The following PDE4B variants were observed in gnomAD, a reference collection of about 807,000 sequenced individuals.
PDE4B encodes the protein phosphodiesterase 4B.
A neutral mutation model predicts 82.2 loss-of-function variants in PDE4B; 20 were observed. The observed-to-expected ratio is 0.24, with a 90% CI of 0.17 to 0.35. The LOEUF (loss-of-function observed/expected upper bound fraction) is 0.35, where lower values mean the gene tolerates loss of function less well. PDE4B is among the 10% of genes least tolerant of loss of function. The pLI is 1.00. For synonymous variants in PDE4B, 320 were observed against 318.9 expected, an observed-to-expected ratio of 1.00 and a Z score of -0.04; for missense variants, 655 against 907.2, an observed-to-expected ratio of 0.72 and a Z score of 3.57.
intron 1 of PDE4B, among the ~76,000 whole-genome samples, chr1:65,871,195 T>C (rs1469266330): frequency 2.0e-5 from 3 of 152,198 alleles, no homozygotes; most frequent in Non-Finnish European, 4.4e-5. Context: ...TTTAATTTGA[T>C]CTATTTGAAG....
chr1:66,345,263 T>C (rs1473745190), intron 8 of PDE4B, among the ~76,000 whole-genome samples: 1 of 152,182 alleles, frequency 6.6e-6, no homozygotes, highest in Admixed American at 6.5e-5. Context: ...AAAATAAAAG[T>C]TAAAGGGAAA....
intron 3 of PDE4B, among the ~76,000 whole-genome samples, chr1:66,219,174 A>G (rs537149388): frequency 1.3e-5 from 2 of 152,202 alleles, no homozygotes; most frequent in African/African-American, 2.4e-5. Context: ...AATTTTTCTA[A>G]TATGATTTCT....
At chr1:66,370,282 C>A (rs76083421) in intron 16 of PDE4B, among the ~76,000 whole-genome samples, 2,485 of 149,868 alleles carry the variant, frequency 0.017, 64 homozygotes, top group African/African-American at 0.058. Context: ...TTAAGTGGAA[C>A]AAGATATGAA....
chr1:65,921,617 C>T (rs767303404), intron 3 of PDE4B, among the ~76,000 whole-genome samples: 3 of 152,190 alleles, frequency 2.0e-5, no homozygotes, highest in Admixed American at 6.5e-5. Flanking sequence ...CACAACTACT[C>T]ATCCTTGCTG....
At chr1:65,836,705 C>A (rs1208030246) in intron 1 of PDE4B, among the ~76,000 whole-genome samples, 1 of 152,038 alleles carries the variant, frequency 6.6e-6, no homozygotes, top group Non-Finnish European at 1.5e-5. Flanking sequence ...ATTGCTATAT[C>A]TCTCTTTCTC....
At chr1:66,137,377 G>T (rs1046602260) in intron 3 of PDE4B, among the ~76,000 whole-genome samples, 2 of 152,168 alleles carry the variant, frequency 1.3e-5, no homozygotes, top group African/African-American at 2.4e-5. Flanking sequence ...CATGCATTTT[G>T]ATTTGTTTGT....
At chr1:65,930,703 A>G (rs1196643420) in intron 3 of PDE4B, among the ~76,000 whole-genome samples, 1 of 152,230 alleles carries the variant, frequency 6.6e-6, no homozygotes, top group African/African-American at 2.4e-5. Flanking sequence ...TATTTACCCA[A>G]TGACTATACC....
intron 3 of PDE4B, among the ~76,000 whole-genome samples, chr1:65,986,478 T>G (rs912085882): frequency 1.3e-5 from 2 of 152,324 alleles, no homozygotes; most frequent in East Asian, 3.9e-4. Context: ...CAGTGAAAAC[T>G]GCACAAAATA....
In PDE4B at chr1:66,344,032, A is replaced by G. The variant is rs144126442; in HGVS notation, c.747+11412A>G. On this transcript the variant is annotated intron_variant, in intron 8 of 16. Transcript: ENST00000341517. ...ACTCTGGATCTCTCACTCATAATCC[A>G]CAAGGATTAATTTAACCTGCCAGAT... is the stretch of plus-strand genomic sequence containing the variant. Among the ~76,000 whole-genome samples the G allele has an allele frequency of 3.6e-3, 549 of 152,282 alleles. 7 individuals are homozygous for G. The highest frequency in any genetic ancestry group is 0.012 in the African/African-American group (518 of 41,564).
At chr1:66,016,501 C>T (rs1390964206) in intron 3 of PDE4B, among the ~76,000 whole-genome samples, 1 of 152,118 alleles carries the variant, frequency 6.6e-6, no homozygotes, top group Non-Finnish European at 1.5e-5. Flanking sequence ...ATGTAACCTT[C>T]TTCAGTTTAA....
At chr1:66,118,488 G>T (rs921201983) in intron 3 of PDE4B, among the ~76,000 whole-genome samples, 1 of 151,568 alleles carries the variant, frequency 6.6e-6, no homozygotes, top group African/African-American at 2.4e-5. Context: ...ACCAAACACC[G>T]CATGTTCTCA....
intron 1 of PDE4B, among the ~76,000 whole-genome samples, chr1:65,858,754 A>G (rs866011856): frequency 6.6e-6 from 1 of 152,106 alleles, no homozygotes; most frequent in African/African-American, 2.4e-5. Flanking sequence ...TGACTGTTTT[A>G]GCATTTAAAA....
intron 6 of PDE4B, among the ~76,000 whole-genome samples, chr1:66,265,654 T>G (rs1654975185): frequency 6.6e-6 from 1 of 151,914 alleles, no homozygotes; most frequent in African/African-American, 2.4e-5. Context: ...TGGCTATAAC[T>G]TTTTACAGCA....
chr1:66,074,899 G>A (rs943288701), intron 3 of PDE4B, among the ~76,000 whole-genome samples: 2 of 152,038 alleles, frequency 1.3e-5, no homozygotes, highest in Non-Finnish European at 2.9e-5. Context: ...GGACATTCGA[G>A]TTGTTTTCAG....
chr1:65,864,770 G>A (rs1038600592), intron 1 of PDE4B, among the ~76,000 whole-genome samples: 1 of 152,158 alleles, frequency 6.6e-6, no homozygotes, highest in African/African-American at 2.4e-5. Context: ...CCTGATGCCA[G>A]CTGGAACTCT....
intron 7 of PDE4B, among the ~76,000 whole-genome samples, chr1:66,314,632 C>T (rs763171686): frequency 2.6e-5 from 4 of 152,066 alleles, no homozygotes; most frequent in East Asian, 1.9e-4. Context: ...AGGCTGGTTT[C>T]GAACTCCTGA....
At chr1:66,180,151 T>C (rs1158647627) in intron 3 of PDE4B, among the ~76,000 whole-genome samples, 2 of 152,164 alleles carry the variant, frequency 1.3e-5, no homozygotes, top group African/African-American at 4.8e-5. Flanking sequence ...GAAGCCAACA[T>C]GTGAACGAAT....
At chr1:66,168,011 C>A (rs1157976006) in intron 3 of PDE4B, among the ~76,000 whole-genome samples, 1 of 152,142 alleles carries the variant, frequency 6.6e-6, no homozygotes, top group Non-Finnish European at 1.5e-5. Flanking sequence ...AAAATAAAGC[C>A]TTTTCCTGTA....
At chr1:66,088,027 A>T (rs974802803) in intron 3 of PDE4B, among the ~76,000 whole-genome samples, 3 of 151,998 alleles carry the variant, frequency 2.0e-5, no homozygotes, top group Admixed American at 6.6e-5. Flanking sequence ...ATAATAATAA[A>T]AATAAATAAT....
Sources: allele counts gnomAD v4.1 joint callset (sites outside exome capture counted in the v4.1 genomes callset), GRCh38; gene constraint gnomAD v4.1.1; transcripts MANE v1.5; gene names NCBI Gene and HGNC (gene_info 2026-07-23, HGNC 2026-07-21).